Variants in SPATA2 observed in about 807,000 individuals in gnomAD.
SPATA2 encodes the protein spermatogenesis associated 2, also known as spermatogenesis-associated protein 2.
SPATA2 carries 8 observed loss-of-function variants against 35.4 expected under a neutral mutation model. That is an observed-to-expected ratio of 0.23 (90% CI 0.13 to 0.41). The LOEUF is 0.41. Among genes scored for constraint, SPATA2 ranks in the 10% least tolerant of loss-of-function variants. The probability of loss-of-function intolerance (pLI) is 1.00; values close to 1 mark genes in which losing one functional copy is unlikely to be tolerated. For synonymous variants in SPATA2, 293 were observed against 300.9 expected, an observed-to-expected ratio of 0.97 and a Z score of 0.27; for missense variants, 650 against 698.7, an observed-to-expected ratio of 0.93 and a Z score of 0.79.
rs773741627 is a variant in SPATA2 at position 49,906,102 on chromosome 20, G to A, written c.1080C>T (p.Leu360=). 15 of 1,611,786 alleles carry A rather than the reference G, an allele frequency of 9.3e-6. No individual in the cohort carries two copies. The South Asian group carries it at 1.1e-4, about 12-fold the overall frequency. ...GGTAGAGGGAGTGGGCATCGTTTCT[G>A]AGCAGCCACACATCCGGCCGCAGAG... ...QDALRPDVWL[L]RNDAHSLYHK... Residue 360 remains leucine (L), a synonymous_variant, in exon 3 of 3, where the codon CTC becomes CTT. Coordinates refer to ENST00000289431, the MANE Select transcript of SPATA2 (RefSeq NM_006038.4). This position sits in a 1 kb window ranked among gnomAD's most constrained non-coding sequence, Gnocchi z 8.2.
At chr20:49,914,023 T>C (rs1271195212) in intron 1 of SPATA2, among the ~76,000 whole-genome samples, 1 of 65,392 alleles carries the variant, frequency 1.5e-5, no homozygotes, top group Non-Finnish European at 3.1e-5. Flanking sequence ...GCCGTGCCAG[T>C]CTGGTGGAAA....
rs1600851954 is a variant in SPATA2 at position 49,905,154 on chromosome 20, A to G, written c.*465T>C. ...TTTGGGAGAGGCCCCGTGTGGCAGG[A>G]GGGCTCATTTCACAAGCCAACAGGC... is the stretch of plus-strand genomic sequence containing the variant. On this transcript the variant is annotated 3_prime_UTR_variant, in exon 3 of 3. Coordinates refer to ENST00000289431, the MANE Select transcript of SPATA2 (RefSeq NM_006038.4). 1 of 157,744 alleles carries G rather than the reference A, an allele frequency of 6.3e-6. No individual in the cohort carries two copies. The allele number at this position is 157,744 out of a possible 1,614,324, so 9.8% of individuals were successfully genotyped here.
chr20:49,905,072 T>G lies in SPATA2; in HGVS notation c.*547A>C. ...CTGGAGAGGTGGGGAAGCCAGGGGGTGGGGAGTCCAGCTGGGGATCCTTGT... is the reference window on the plus strand; with the variant it reads ...CTGGAGAGGTGGGGAAGCCAGGGGGGGGGGAGTCCAGCTGGGGATCCTTGT... On this transcript the variant is annotated 3_prime_UTR_variant, in exon 3 of 3. Coordinates refer to ENST00000289431, the MANE Select transcript of SPATA2 (RefSeq NM_006038.4). The G allele has an allele frequency of 6.5e-6, 1 of 155,022 alleles. No individual in the cohort carries two copies. Among genetic ancestry groups the G allele is most frequent in the Non-Finnish European group, 1.4e-5 (1 of 69,874 alleles). 9.6% of individuals were successfully genotyped at this position (155,022 alleles called of 1,614,324 possible). A position where few individuals can be genotyped will look rare whatever the true frequency, so the allele number is the denominator to read the frequency against.
rs2090134802 is a variant in SPATA2 at position 49,905,472 on chromosome 20, C to T, written c.*147G>A. 1.1e-5 allele frequency: 9 copies of T among 814,716 alleles called. No homozygotes were observed. The highest frequency in any genetic ancestry group is 3.5e-5 in the African/African-American group (2 of 57,872). The allele number at this position is 814,716 out of a possible 1,614,324, so 50.5% of individuals were successfully genotyped here. On this transcript the variant is annotated 3_prime_UTR_variant, in exon 3 of 3. Coordinates refer to ENST00000289431, the MANE Select transcript of SPATA2 (RefSeq NM_006038.4). ...ATCTGAGTCGCTAAGTGAACTCCCA[C>T]GTGGACACAGCCAGCCCACGATCTC...
rs72060824 is a variant in SPATA2 at position 49,905,314 on chromosome 20, CAACAA to C, written c.*300_*304del. 0.01 allele frequency: 4,081 copies of C among 394,036 alleles called. 132 individuals carry two copies. The highest frequency in any genetic ancestry group is 0.074 in the African/African-American group (3,634 of 49,388). The allele number at this position is 394,036 out of a possible 1,614,324, so 24.4% of individuals were successfully genotyped here. A position where few individuals can be genotyped will look rare whatever the true frequency, so the allele number is the denominator to read the frequency against. ...ATCCTCTTTAAAGGAAAAAACAAAA[CAACAA>C]AACAAAACAAAACAAAACCCCAAAA... On this transcript the variant is annotated 3_prime_UTR_variant, in exon 3 of 3. Transcript: ENST00000289431.
chr20:49,905,576 G>A lies in SPATA2; in HGVS notation c.*43C>T. ...ACTTCTTCACCGTGAAACCCGAAAG[G>A]TCGGTTGATGTAGCCCTTGGAGCTG... On this transcript the variant is annotated 3_prime_UTR_variant, in exon 3 of 3. Coordinates refer to ENST00000289431, the MANE Select transcript of SPATA2 (RefSeq NM_006038.4). 4 of 1,599,332 alleles carry A rather than the reference G, an allele frequency of 2.5e-6. No homozygotes were observed. Among genetic ancestry groups the A allele is most frequent in the Non-Finnish European group, 3.4e-6 (4 of 1,170,454 alleles).
Position 49,905,309 on chromosome 20 carries a change from C to G in SPATA2, c.*310G>C. ...CAGAAATCCTCTTTAAAGGAAAAAA[C>G]AAAACAACAAAACAAAACAAAACAA... On this transcript the variant is annotated 3_prime_UTR_variant, in exon 3 of 3. Coordinates refer to ENST00000289431, the MANE Select transcript of SPATA2 (RefSeq NM_006038.4). 2.7e-6 allele frequency: 1 copy of G among 374,244 alleles called. No individual in the cohort carries two copies. Among genetic ancestry groups the G allele is most frequent in the Non-Finnish European group, 4.8e-6 (1 of 206,540 alleles). 23.2% of individuals were successfully genotyped at this position (374,244 alleles called of 1,614,324 possible). A position where few individuals can be genotyped will look rare whatever the true frequency, so the allele number is the denominator to read the frequency against.
Position 49,905,533 on chromosome 20 carries a change from T to C in SPATA2, c.*86A>G. 3 of 1,470,658 alleles carry C rather than the reference T, an allele frequency of 2.0e-6. No individual in the cohort carries two copies. In the South Asian group the frequency reaches 3.8e-5, roughly 19 times the overall value. 91.1% of individuals were successfully genotyped at this position (1,470,658 alleles called of 1,614,324 possible). On this transcript the variant is annotated 3_prime_UTR_variant, in exon 3 of 3. Transcript: ENST00000289431. ...ATGGTCAAGTGCAGGCCTCCGCCTC[T>C]GAGATCAATGCGTTAGTACTTCTTC...
rs2090137267 is a variant in SPATA2, at chr20:49,905,787, G to C, written c.1395C>G (p.Arg465=). Residue 465 remains arginine (R), a synonymous_variant, in exon 3 of 3, where the codon CGC becomes CGG. Coordinates refer to ENST00000289431, the MANE Select transcript of SPATA2 (RefSeq NM_006038.4). The stretch of plus-strand genomic sequence containing the variant: ...GGGTGCAGGTGTTGGTGGCGCCTGG[G>C]CGGTTGCAGAAGCCACAGCGGGAAG... ...TPTSRCGFCN[R]PGATNTCTQC... is the part of the protein sequence containing the mutation. 6.2e-7 allele frequency: 1 copy of C among 1,614,084 alleles called. No homozygotes were observed. Among genetic ancestry groups the C allele is most frequent in the Non-Finnish European group, 8.5e-7 (1 of 1,180,024 alleles).
rs1368307482 is a variant in SPATA2, at chr20:49,908,197, G to A, written c.294C>T (p.Asn98=). Residue 98 remains asparagine, a synonymous_variant, in exon 2 of 3, where the codon AAC becomes AAT. Transcript: ENST00000289431. The part of the protein sequence containing the change: ...AFSMLETVGI[N]LFLYPWKKEF... ...CCTTCTTCCACGGGTAGAGGAAGAG[G>A]TTGATGCCCACCGTCTCCAGCATGC... 1.2e-6 allele frequency: 2 copies of A among 1,613,208 alleles called. No homozygotes were observed. Among genetic ancestry groups the A allele is most frequent in the African/African-American group, 1.3e-5 (1 of 74,914 alleles).
chr20:49,909,498 G>A (rs1277988826), intron 1 of SPATA2, among the ~76,000 whole-genome samples: 1 of 151,150 alleles, frequency 6.6e-6, no homozygotes, highest in Non-Finnish European at 1.5e-5. Context: ...TTGAGTCCAG[G>A]AGCTCGAGAC....
chr20:49,913,479 C>T (rs887864436), intron 1 of SPATA2: 3 of 152,208 alleles, frequency 2.0e-5, no homozygotes, highest in African/African-American at 7.2e-5. Context: ...CTCGGAGAGG[C>T]CAACTCACTT....
rs776696753 is a variant in SPATA2 at position 49,906,448 on chromosome 20, G to A, written c.734C>T (p.Pro245Leu). 6.2e-7 allele frequency: 1 copy of A among 1,611,998 alleles called. No individual in the cohort carries two copies. The highest frequency in any genetic ancestry group is 8.5e-7 in the Non-Finnish European group (1 of 1,179,978). The change falls in exon 3 of 3, where the codon CCC becomes CTC. Residue 245 changes from proline (P) to leucine (L), a missense_variant. Coordinates refer to ENST00000289431, the MANE Select transcript of SPATA2 (RefSeq NM_006038.4). The surrounding 1 kb of genome is among the most constrained non-coding windows in gnomAD (Gnocchi z 8.2). ...SERAAKDYYK[P>L]RVTKPSRSVD... ...TGACCTCGAGGGCTTGGTCACGCGG[G>A]GCTTGTAGTAGTCCTTGGCCGCCCG...
chr20:49,907,297 G>T (rs2090152839), intron 2 of SPATA2, among the ~76,000 whole-genome samples: 1 of 152,160 alleles, frequency 6.6e-6, no homozygotes, highest in Non-Finnish European at 1.5e-5. Context: ...CTGACCTCGT[G>T]ATCCACCCGC....
rs779328034 is a variant in SPATA2 at position 49,908,364 on chromosome 20, G to A, written c.127C>T (p.Arg43Trp). Residue 43 changes from arginine to tryptophan, a missense_variant, in exon 2 of 3, where the codon CGG becomes TGG. Arg to Trp is a moderately radical substitution (Grantham distance 101). Coordinates refer to ENST00000289431, the MANE Select transcript of SPATA2 (RefSeq NM_006038.4). ...CTGAGCAGGGTTGAGGCTGCCACCC[G>A]CAGGCACTCATCGCTGCCAGGCCGC... is the stretch of plus-strand genomic sequence containing the variant. ...RQRPGSDECL[R>W]VAASTLLSLH... is the part of the protein sequence containing the mutation. 1.8e-5 allele frequency: 29 copies of A among 1,614,118 alleles called. No homozygotes were observed. Among genetic ancestry groups the A allele is most frequent in the African/African-American group, 8.0e-5 (6 of 74,948 alleles).
At chr20:49,907,299 T>TCCA (rs1256759376) in intron 2 of SPATA2, among the ~76,000 whole-genome samples, 1 of 152,160 alleles carries the variant, frequency 6.6e-6, no homozygotes, top group Non-Finnish European at 1.5e-5. Context: ...GACCTCGTGA[T>TCCA]CCACCCGCCT....
At chr20:49,913,654 G>T (rs1319712145) in intron 1 of SPATA2, 6 of 152,312 alleles carry the variant, frequency 3.9e-5, no homozygotes, top group African/African-American at 1.4e-4. Flanking sequence ...GCAGAGTTGA[G>T]TTACAAAAAT....
rs760745164 is a variant in SPATA2, at chr20:49,906,207, G to A, written c.975C>T (p.Arg325=). Reference sequence around the variant, plus strand: ...CATCCTGAGTGGAGAAGTAGGTACCGCGCAGCAGGGCCGGGCCGTTGCTGG... The same window carrying A: ...CATCCTGAGTGGAGAAGTAGGTACCACGCAGCAGGGCCGGGCCGTTGCTGG... The part of the protein sequence containing the change: ...ASPSNGPALL[R]GTYFSTQDDV... Residue 325 remains arginine (R), a synonymous_variant, in exon 3 of 3, where the codon CGC becomes CGT. Coordinates refer to ENST00000289431, the MANE Select transcript of SPATA2 (RefSeq NM_006038.4). The surrounding 1 kb of genome is among the most constrained non-coding windows in gnomAD (Gnocchi z 8.2). 12 of 1,575,098 alleles carry A rather than the reference G, an allele frequency of 7.6e-6. No homozygotes were observed. Among genetic ancestry groups the A allele is most frequent in the East Asian group, 6.7e-5 (3 of 44,494 alleles).
intron 1 of SPATA2, 51 bp downstream of exon 1, chr20:49,915,329 G>A (rs2090203757): frequency 6.6e-6 from 1 of 152,648 alleles, no homozygotes; most frequent in Non-Finnish European, 1.5e-5. Flanking sequence ...CGCCCCCTCC[G>A]CCTGGGGAAG....
Sources: gnomAD v4.1 joint callset for allele counts (sites outside exome capture counted in the v4.1 genomes callset) on GRCh38, gnomAD v4.1.1 for gene constraint, Gnocchi (gnomAD v3.1) non-coding constraint, MANE v1.5 for transcripts, NCBI Gene and HGNC (gene_info 2026-07-23, HGNC 2026-07-21) for gene names.